The following FNDC3B variants were observed in gnomAD, a reference collection of about 807,000 sequenced individuals.
FNDC3B encodes the protein fibronectin type III domain-containing protein 3B.
A neutral mutation model predicts 151.5 loss-of-function variants in FNDC3B; 12 were observed. That is an observed-to-expected ratio of 0.08 (90% confidence interval 0.05 to 0.13). The LOEUF is 0.13. FNDC3B is among the 10% of genes least tolerant of loss of function. The pLI, the probability that FNDC3B is intolerant of heterozygous loss-of-function variation, is 1.00. For missense variants in FNDC3B, 1,214 were observed against 1,505.3 expected, an observed-to-expected ratio of 0.81 and a Z score of 3.20; for synonymous variants, 528 against 549.0, an observed-to-expected ratio of 0.96 and a Z score of 0.54.
intron 6 of FNDC3B, among the ~76,000 whole-genome samples, chr3:172,263,970 T>C (rs965010684): frequency 6.6e-6 from 1 of 152,000 alleles, no homozygotes; most frequent in African/African-American, 2.4e-5. Context: ...TTCTGTGTCA[T>C]TTCTTCATTT....
chr3:172,202,312 T>G (rs1255100593), intron 3 of FNDC3B, among the ~76,000 whole-genome samples: 1 of 152,180 alleles, frequency 6.6e-6, no homozygotes, highest in African/African-American at 2.4e-5. Context: ...AAATCTTTAG[T>G]CTTAAGCAAT....
intron 4 of FNDC3B, among the ~76,000 whole-genome samples, chr3:172,243,432 G>A (rs1274003026): frequency 6.6e-6 from 1 of 152,178 alleles, no homozygotes; most frequent in Admixed American, 6.5e-5. Context: ...TCACAATCAT[G>A]GTGGAAGGCA....
chr3:172,252,469 C>CTGATTATAACACTCAT (rs1364938400), intron 6 of FNDC3B, among the ~76,000 whole-genome samples: 13 of 151,422 alleles, frequency 8.6e-5, no homozygotes, highest in African/African-American at 3.1e-4. Flanking sequence ...AGTAAGGAAT[C>CTGATTATAACACTCAT]TGATTATAAC....
intron 6 of FNDC3B, among the ~76,000 whole-genome samples, chr3:172,281,215 A>ATT (rs144555553): frequency 0.018 from 2,438 of 132,496 alleles, 38 homozygotes; most frequent in African/African-American, 0.037. Context: ...ATTATTATTT[A>ATT]TATTTATTTA....
Position 172,099,681 on chromosome 3 carries a change from C to A in FNDC3B, c.-28-12771C>A, listed in dbSNP as rs538183377. On this transcript the variant is annotated intron_variant, in intron 1 of 25. Transcript: ENST00000415807. ...CCTGCTTTTCTGCTCTCATGATTTA[C>A]CAAATGAATTTGCCTCACAAATGTT... is the stretch of plus-strand genomic sequence containing the variant. Among the ~76,000 whole-genome samples, 3 of 152,300 alleles carry A rather than the reference C, an allele frequency of 2.0e-5. No homozygotes were observed. In the East Asian group the frequency reaches 5.8e-4, roughly 29 times the overall value.
At chr3:172,244,229 C>T (rs1727655784) in intron 4 of FNDC3B, among the ~76,000 whole-genome samples, 1 of 152,178 alleles carries the variant, frequency 6.6e-6, no homozygotes, top group Admixed American at 6.5e-5. Context: ...TGCCTCTGGA[C>T]ATTCTCACAA....
intron 23 of FNDC3B, among the ~76,000 whole-genome samples, chr3:172,364,528 G>A (rs1734516181): frequency 6.6e-6 from 1 of 152,176 alleles, no homozygotes; most frequent in Non-Finnish European, 1.5e-5. Context: ...TGCCCCAAGG[G>A]CACCCCCTCT....
At chr3:172,378,573 G>A in intron 24 of FNDC3B, 137 bp downstream of exon 24, 1 of 826,854 alleles carries the variant, frequency 1.2e-6, no homozygotes, top group Non-Finnish European at 1.8e-6. Context: ...AGAAGATTGA[G>A]CAATGATGGG....
At chr3:172,396,241 A>G (rs539755488) in intron 25 of FNDC3B, among the ~76,000 whole-genome samples, 9 of 152,314 alleles carry the variant, frequency 5.9e-5, no homozygotes, top group Admixed American at 2.0e-4. Context: ...CATAGGCACA[A>G]GGGAGTGTGT....
chr3:172,332,932 C>G (rs183846480), intron 13 of FNDC3B, among the ~76,000 whole-genome samples, 157 bp from the exon 14 acceptor site: 1 of 152,326 alleles, frequency 6.6e-6, no homozygotes, highest in African/African-American at 2.4e-5. Flanking sequence ...ATCCACAATA[C>G]TCTGGGCTTC....
intron 2 of FNDC3B, among the ~76,000 whole-genome samples, chr3:172,123,888 T>C (rs1395630132): frequency 6.6e-6 from 1 of 152,234 alleles, no homozygotes; most frequent in African/African-American, 2.4e-5. Context: ...ATACTAGGTT[T>C]ATCTATATGA....
chr3:172,310,433 C>T (rs1317419458), intron 10 of FNDC3B, among the ~76,000 whole-genome samples: 2 of 152,158 alleles, frequency 1.3e-5, no homozygotes, highest in East Asian at 1.9e-4. Flanking sequence ...AAAAGAAAGG[C>T]TTGACTGTGC....
At chr3:172,353,962 G>GAAA (rs373524382) in intron 22 of FNDC3B, among the ~76,000 whole-genome samples, 186 of 148,576 alleles carry the variant, frequency 1.3e-3, no homozygotes, top group Non-Finnish European at 1.7e-3. Flanking sequence ...TGATCTTGGG[G>GAAA]AAAAAAAAAA....
In FNDC3B at chr3:172,401,623, A is replaced by C. The variant is rs2108408766; in HGVS notation, c.*4148A>C. Reference sequence around the variant, plus strand: ...TGTCCTTTCCTGCAGGTCTCATTCAACAACAACAACAACAACAGCAATAAA... The same window carrying C: ...TGTCCTTTCCTGCAGGTCTCATTCACCAACAACAACAACAACAGCAATAAA... On this transcript the variant is annotated 3_prime_UTR_variant, in exon 26 of 26. Transcript: ENST00000415807. 6.6e-6 allele frequency: 1 copy of C among 152,158 alleles called. No homozygotes were observed. Among genetic ancestry groups the C allele is most frequent in the East Asian group, 1.9e-4 (1 of 5,180 alleles). 9.4% of individuals were successfully genotyped at this position (152,158 alleles called of 1,614,324 possible).
intron 9 of FNDC3B, among the ~76,000 whole-genome samples, chr3:172,304,988 A>G (rs1322312199): frequency 1.3e-5 from 2 of 151,666 alleles, no homozygotes; most frequent in Admixed American, 1.3e-4. Flanking sequence ...CGCTCCAGAT[A>G]TTTTTCAGTG....
At chr3:172,052,341 G>A (rs1335492359) in intron 1 of FNDC3B, among the ~76,000 whole-genome samples, 3 of 151,870 alleles carry the variant, frequency 2.0e-5, no homozygotes, top group Admixed American at 2.0e-4. Context: ...GCGTCCCTAA[G>A]TGCTGGGATT....
At chr3:172,146,551 T>A (rs559554904) in intron 3 of FNDC3B, among the ~76,000 whole-genome samples, 8 of 152,316 alleles carry the variant, frequency 5.3e-5, no homozygotes, top group East Asian at 1.9e-4. Flanking sequence ...CATTTGAATA[T>A]GTAGTGAGGT....
At chr3:172,041,401 C>T (rs1175328838) in intron 1 of FNDC3B, among the ~76,000 whole-genome samples, 213 of 142,338 alleles carry the variant, frequency 1.5e-3, no homozygotes, top group East Asian at 6.9e-3. Context: ...TTCTTTCTTT[C>T]TCCTTCTCTC....
intron 17 of FNDC3B, among the ~76,000 whole-genome samples, chr3:172,341,627 A>G (rs1247750502): frequency 6.6e-6 from 1 of 152,226 alleles, no homozygotes; most frequent in Non-Finnish European, 1.5e-5. Flanking sequence ...CACATCTATC[A>G]ATTTTAAGAA....
Sources: gnomAD v4.1 joint callset for allele counts (sites outside exome capture counted in the v4.1 genomes callset) on GRCh38, gnomAD v4.1.1 for gene constraint, MANE v1.5 for transcripts, NCBI Gene and HGNC (gene_info 2026-07-23, HGNC 2026-07-21) for gene names.